Variants in INO80 observed in about 807,000 individuals in gnomAD.
INO80 encodes the protein INO80 complex ATPase subunit.
In INO80, 20 loss-of-function variants were observed where a neutral mutation model predicts 203.4. The ratio of observed to expected loss-of-function variants is 0.10; its 90% CI spans 0.07 to 0.14. The LOEUF (loss-of-function observed/expected upper bound fraction) is 0.14. INO80 is among the 10% of genes least tolerant of loss of function. INO80 has a pLI of 1.00. For missense variants in INO80, 1,419 were observed against 1,914.4 expected, an observed-to-expected ratio of 0.74 and a Z score of 4.83; for synonymous variants, 726 against 685.2, an observed-to-expected ratio of 1.06 and a Z score of -0.93.
At chr15:41,027,910 C>T (rs1348957970) in intron 24 of INO80, 174 bp from the exon 25 acceptor site, 2 of 419,642 alleles carry the variant, frequency 4.8e-6, no homozygotes, top group Non-Finnish European at 8.4e-6. Flanking sequence ...AGTTGAAGCC[C>T]ATGTTAATTT....
chr15:40,983,693 C>A, intron 34 of INO80, 69 bp downstream of exon 34: 1 of 1,391,868 alleles, frequency 7.2e-7, no homozygotes. Flanking sequence ...GGAATCAGGA[C>A]CTTACCCACA....
At chr15:41,112,952 G>C (rs904635383) in intron 1 of INO80, among the ~76,000 whole-genome samples, 3 of 151,844 alleles carry the variant, frequency 2.0e-5, no homozygotes, top group African/African-American at 7.3e-5. Flanking sequence ...CTCGGGCTCT[G>C]TCGCCCAGGC....
intron 24 of INO80, among the ~76,000 whole-genome samples, chr15:41,028,125 A>G (rs947636083): frequency 2.6e-5 from 4 of 151,930 alleles, no homozygotes; most frequent in Admixed American, 6.6e-5. Context: ...GATGACCAAC[A>G]CAATTTCCTT....
chr15:41,020,996 C>G lies in INO80; in HGVS notation c.3178G>C (p.Asp1060His). Reference protein sequence around the residue: ...LLNGAPELAADWLNRRSQFFP... With the variant: ...LLNGAPELAAHWLNRRSQFFP... ...AACTGTGATCGTCTATTTAGCCAGT[C>G]TGCAGCCAGTTCAGGGGCCCCATTC... Residue 1060 changes from aspartate to histidine, a missense_variant, in exon 26 of 36, where the codon GAC (aspartate) becomes CAC (histidine). Transcript: ENST00000648947. 6.2e-7 allele frequency: 1 copy of G among 1,614,174 alleles called. No homozygotes were observed. Among genetic ancestry groups the G allele is most frequent in the Non-Finnish European group, 8.5e-7 (1 of 1,180,010 alleles).
intron 5 of INO80, among the ~76,000 whole-genome samples, chr15:41,090,124 A>G (rs910583348): frequency 6.6e-6 from 1 of 152,258 alleles, no homozygotes; most frequent in African/African-American, 2.4e-5. Context: ...AGGTATAAAT[A>G]CAACGAATAT....
At chr15:41,047,273 T>G in intron 23 of INO80, 135 bp downstream of exon 23, 2 of 698,862 alleles carry the variant, frequency 2.9e-6, no homozygotes, top group South Asian at 1.7e-5. Flanking sequence ...CCTACAAACT[T>G]TATTCTTAAC....
At chr15:41,039,798 A>C (rs1376954888) in intron 24 of INO80, among the ~76,000 whole-genome samples, 1 of 152,256 alleles carries the variant, frequency 6.6e-6, no homozygotes, top group Non-Finnish European at 1.5e-5. Flanking sequence ...CTTCTGTAGT[A>C]AACACTGAGT....
chr15:41,089,950 C>T (rs1277459588), intron 5 of INO80, among the ~76,000 whole-genome samples: 1 of 152,120 alleles, frequency 6.6e-6, no homozygotes, highest in South Asian at 2.1e-4. Flanking sequence ...AAGGTGTTTC[C>T]ATATGACCCA....
intron 24 of INO80, among the ~76,000 whole-genome samples, chr15:41,036,403 C>T (rs552216122): frequency 2.0e-5 from 3 of 152,172 alleles, no homozygotes; most frequent in Non-Finnish European, 2.9e-5. Flanking sequence ...ACCCAAGGAA[C>T]GTGTCACCTC....
intron 21 of INO80, among the ~76,000 whole-genome samples, 192 bp from the exon 22 acceptor site, chr15:41,048,468 TAAG>T (rs1279610231): frequency 6.6e-6 from 1 of 152,158 alleles, no homozygotes; most frequent in African/African-American, 2.4e-5. Context: ...AGTGAAAGTG[TAAG>T]AAGATAATAC....
intron 9 of INO80, among the ~76,000 whole-genome samples, chr15:41,076,369 C>CAAAAA (rs1430318522): frequency 5.3e-4 from 80 of 151,034 alleles, no homozygotes; most frequent in African/African-American, 1.8e-3. Context: ...CAAAACAAAA[C>CAAAAA]AAAACAAAAC....
At chr15:41,091,996 CA>C in intron 5 of INO80, 30 bp downstream of exon 5, 1 of 1,561,864 alleles carries the variant, frequency 6.4e-7, no homozygotes, top group Non-Finnish European at 8.8e-7. Flanking sequence ...GGTGAATATT[CA>C]GTTTGAAGTG....
intron 14 of INO80, among the ~76,000 whole-genome samples, chr15:41,066,937 T>A (rs2045230758): frequency 6.7e-6 from 1 of 150,024 alleles, no homozygotes; most frequent in Non-Finnish European, 1.5e-5. Flanking sequence ...AACATGCAAA[T>A]GATAGCTCTG....
intron 10 of INO80, among the ~76,000 whole-genome samples, chr15:41,073,976 C>T (rs1379908734): frequency 2.0e-5 from 3 of 152,140 alleles, no homozygotes; most frequent in African/African-American, 7.2e-5. Flanking sequence ...TCCTCCCTCT[C>T]CTTGTGATCA....
intron 24 of INO80, among the ~76,000 whole-genome samples, chr15:41,033,409 C>G (rs2044521341): frequency 6.7e-6 from 1 of 150,366 alleles, no homozygotes; most frequent in South Asian, 2.1e-4. Flanking sequence ...TCATAGCTCA[C>G]TGTAATCTCA....
intron 24 of INO80, among the ~76,000 whole-genome samples, chr15:41,034,315 G>A (rs28581803): frequency 0.42 from 63,609 of 151,928 alleles, 13,536 homozygotes; most frequent in Middle Eastern, 0.48. Context: ...GCTTCTCACT[G>A]TTTGGATTCA....
Position 41,079,923 on chromosome 15 carries a change from T to C in INO80, c.928-19A>G, listed in dbSNP as rs367735290. 3 of 1,611,554 alleles carry C rather than the reference T, an allele frequency of 1.9e-6. No individual in the cohort carries two copies. The highest frequency in any genetic ancestry group is 2.5e-6 in the Non-Finnish European group (3 of 1,178,426). ...GAGCAAGCTGAAAACAACAACAGCA[T>C]TACAGCGGAAAGGACCCCATACCAG... On this transcript the variant is annotated intron_variant, in intron 8 of 35. Coordinates refer to ENST00000648947, the MANE Select transcript of INO80 (RefSeq NM_017553.3).
chr15:41,078,046 G>T (rs543120608), intron 9 of INO80, among the ~76,000 whole-genome samples: 1 of 151,842 alleles, frequency 6.6e-6, no homozygotes, highest in East Asian at 1.9e-4. Flanking sequence ...ATTACAGGCG[G>T]CCGCCACCAT....
Position 41,084,209 on chromosome 15 carries a change from A to C in INO80, c.873+1160T>G, listed in dbSNP as rs193192549. On this transcript the variant is annotated intron_variant, in intron 7 of 35. Coordinates refer to ENST00000648947, the MANE Select transcript of INO80 (RefSeq NM_017553.3). ...ATTGCAACTTCTTTAAAAAAAAAAAAAAAACGCTACATATGGCATCTGGTT... is the reference window on the plus strand; with the variant it reads ...ATTGCAACTTCTTTAAAAAAAAAAACAAAACGCTACATATGGCATCTGGTT... Among the ~76,000 whole-genome samples the C allele has an allele frequency of 2.7e-3, 410 of 152,234 alleles. 3 individuals are homozygous for C. The highest frequency in any genetic ancestry group is 0.013 in the South Asian group (62 of 4,828).
Sources: allele counts gnomAD v4.1 joint callset (sites outside exome capture counted in the v4.1 genomes callset), GRCh38; gene constraint gnomAD v4.1.1; transcripts MANE v1.5; gene names NCBI Gene and HGNC (gene_info 2026-07-23, HGNC 2026-07-21).